The following IL1RAPL1 variants were observed in gnomAD, a reference collection of about 807,000 sequenced individuals.
IL1RAPL1 encodes interleukin-1 receptor accessory protein-like 1.
Under a neutral mutation model 48.4 loss-of-function variants are expected in IL1RAPL1, and 3 were observed. That is an observed-to-expected ratio of 0.06 (90% CI 0.03 to 0.16). The LOEUF is 0.16. Ranked by LOEUF, IL1RAPL1 falls within the 10% of genes least tolerant of loss-of-function variation. The probability of loss-of-function intolerance (pLI) is 1.00; values close to 1 mark genes in which losing one functional copy is unlikely to be tolerated. For missense variants in IL1RAPL1, 349 were observed against 530.6 expected (o/e 0.66, Z 3.36); for synonymous variants, 185 against 187.7 (o/e 0.99, Z 0.12).
chrX:29,575,314 C>T (rs780642983), intron 5 of IL1RAPL1, among the ~76,000 whole-genome samples: 1 of 111,838 alleles, frequency 8.9e-6, no homozygotes, highest in South Asian at 3.8e-4. Context: ...AGTCTCCAAG[C>T]TGGGAAAACA....
At chrX:28,930,566 C>T (rs183810597) in intron 2 of IL1RAPL1, among the ~76,000 whole-genome samples, 55 of 112,154 alleles carry the variant, frequency 4.9e-4, no homozygotes, top group Non-Finnish European at 8.3e-4. Context: ...AAATTAACTT[C>T]TAAGAATAAG....
At chrX:29,458,917 TTTCTGTCACAACTATTCACA>T (rs869167567) in intron 5 of IL1RAPL1, among the ~76,000 whole-genome samples, 8 of 111,656 alleles carry the variant, frequency 7.2e-5, no homozygotes, top group African/African-American at 2.3e-4. Flanking sequence ...GGTCATGTGG[TTTCTGTCACAACTATTCACA>T]TTCTGTCACA....
chrX:29,498,503 T>C (rs376123934), intron 5 of IL1RAPL1, among the ~76,000 whole-genome samples: 1 of 112,001 alleles, frequency 8.9e-6, no homozygotes, highest in East Asian at 2.8e-4. Context: ...CCTCTTCTTC[T>C]GTCATTCTTA....
intron 3 of IL1RAPL1, among the ~76,000 whole-genome samples, chrX:29,347,334 C>T (rs1167668075): frequency 9.1e-6 from 1 of 109,852 alleles, no homozygotes; most frequent in Admixed American, 9.7e-5. Flanking sequence ...AAAATTTCTT[C>T]TTACTGTAGA....
intron 5 of IL1RAPL1, among the ~76,000 whole-genome samples, chrX:29,461,785 C>G (rs1035347141): frequency 5.4e-5 from 6 of 111,863 alleles, no homozygotes; most frequent in African/African-American, 2.0e-4. Context: ...TTTATTATTT[C>G]CATTATATGA....
At chrX:29,160,745 G>C (rs1206151585) in intron 2 of IL1RAPL1, among the ~76,000 whole-genome samples, 1 of 112,276 alleles carries the variant, frequency 8.9e-6, no homozygotes, top group African/African-American at 3.2e-5. Context: ...AAATTTAACA[G>C]TTAAACAAGA....
chrX:29,264,504 G>A (rs1022038778), intron 2 of IL1RAPL1, among the ~76,000 whole-genome samples: 5 of 110,974 alleles, frequency 4.5e-5, no homozygotes, highest in South Asian at 7.7e-4. Context: ...AGTGGAAGAA[G>A]GGAAGTGACA....
intron 2 of IL1RAPL1, among the ~76,000 whole-genome samples, chrX:28,928,135 G>C (rs1258364303): frequency 9.1e-6 from 1 of 110,299 alleles, no homozygotes; most frequent in Non-Finnish European, 1.9e-5. Flanking sequence ...CTGATTAACT[G>C]GTTCCATTAT....
chrX:29,101,141 A>G (rs1230105401), intron 2 of IL1RAPL1, among the ~76,000 whole-genome samples: 1 of 112,141 alleles, frequency 8.9e-6, no homozygotes, highest in Non-Finnish European at 1.9e-5. Flanking sequence ...GGAAACCCAA[A>G]TAAATAAAAT....
At chrX:29,944,679 CTT>C (rs771236030) in intron 9 of IL1RAPL1, among the ~76,000 whole-genome samples, 1 of 111,638 alleles carries the variant, frequency 9.0e-6, no homozygotes, top group Non-Finnish European at 1.9e-5. Flanking sequence ...CTCTTTTACT[CTT>C]GTTTAAACCT....
chrX:29,267,330 G>A (rs1317690250), intron 2 of IL1RAPL1, among the ~76,000 whole-genome samples: 1 of 112,157 alleles, frequency 8.9e-6, no homozygotes, highest in East Asian at 2.8e-4. Flanking sequence ...TTTCCACTAT[G>A]AGAGTGATGT....
intron 3 of IL1RAPL1, among the ~76,000 whole-genome samples, chrX:29,289,598 GT>G (rs1932340168): frequency 9.0e-6 from 1 of 111,555 alleles, no homozygotes; most frequent in African/African-American, 3.3e-5. Context: ...GTTTGTCTAT[GT>G]CTACAAAAAT....
intron 6 of IL1RAPL1, among the ~76,000 whole-genome samples, chrX:29,884,392 T>C (rs747367552): frequency 1.8e-5 from 2 of 110,909 alleles, no homozygotes; most frequent in South Asian, 4.1e-4. Flanking sequence ...CATTTCTCCA[T>C]GATACTCATC....
chrX:29,806,808 C>A (rs978487066), intron 6 of IL1RAPL1, among the ~76,000 whole-genome samples: 17 of 111,264 alleles, frequency 1.5e-4, no homozygotes, highest in African/African-American at 4.9e-4. Flanking sequence ...CATGAGGAGT[C>A]GTAATCTCCA....
chrX:29,418,115 A>ATT (rs1569307121), intron 5 of IL1RAPL1, among the ~76,000 whole-genome samples: 1 of 28,598 alleles, frequency 3.5e-5, no homozygotes, highest in African/African-American at 1.1e-4. Context: ...ATATATATAT[A>ATT]TATATATATA....
chrX:29,444,144 C>T (rs1397854616), intron 5 of IL1RAPL1, among the ~76,000 whole-genome samples: 1 of 109,632 alleles, frequency 9.1e-6, no homozygotes, highest in Non-Finnish European at 1.9e-5. Flanking sequence ...GAGTTCAAGA[C>T]CACCCTGGCC....
chrX:29,722,191 AG>A (rs1927653632), intron 6 of IL1RAPL1, among the ~76,000 whole-genome samples: 1 of 112,070 alleles, frequency 8.9e-6, no homozygotes, highest in Non-Finnish European at 1.9e-5. Context: ...TGTGGTAAAA[AG>A]GGCATGCTCA....
At chrX:28,706,495 C>T (rs752198832) in intron 1 of IL1RAPL1, among the ~76,000 whole-genome samples, 4 of 109,111 alleles carry the variant, frequency 3.7e-5, no homozygotes, top group Admixed American at 9.7e-5. Context: ...TCACTGCAAC[C>T]TCTGCTTCGC....
Position 29,517,360 on chromosome X carries a change from A to G in IL1RAPL1, c.703+118052A>G, listed in dbSNP as rs1173988004. ...AAATGTATATATATATATATATGTAACAAAGTTTCTTTTAAGGTTTTTAAT... is the reference window on the plus strand; with the variant it reads ...AAATGTATATATATATATATATGTAGCAAAGTTTCTTTTAAGGTTTTTAAT... On this transcript the variant is annotated intron_variant, in intron 5 of 10. Transcript: ENST00000378993. Among the ~76,000 whole-genome samples the G allele has an allele frequency of 3.6e-5, 4 of 110,070 alleles. No individual in the cohort carries two copies. In the East Asian group the frequency reaches 8.5e-4, roughly 23 times the overall value.
Sources: allele counts gnomAD v4.1 joint callset (sites outside exome capture counted in the v4.1 genomes callset), GRCh38; gene constraint gnomAD v4.1.1; transcripts MANE v1.5; gene names NCBI Gene and HGNC (gene_info 2026-07-23, HGNC 2026-07-21).